The following RAPGEF2 variants were observed in gnomAD, a reference collection of about 807,000 sequenced individuals.
The protein encoded by RAPGEF2 is Rap guanine nucleotide exchange factor 2, also known as PDZ domain containing guanine nucleotide exchange factor (GEF) 1.
RAPGEF2 carries 54 observed loss-of-function variants against 186.7 expected under a neutral mutation model. The observed-to-expected ratio is 0.29, with a 90% CI of 0.23 to 0.36. The LOEUF is 0.36. Ranked by LOEUF, RAPGEF2 falls within the 10% of genes least tolerant of loss-of-function variation. The probability of loss-of-function intolerance (pLI) is 1.00; values close to 1 mark genes in which losing one functional copy is unlikely to be tolerated. For missense variants in RAPGEF2, 1,532 were observed against 2,045.0 expected (o/e 0.75, Z 4.84); for synonymous variants, 712 against 705.9 (o/e 1.01, Z -0.14).
rs115019435 is a variant in RAPGEF2, at chr4:159,242,926, G to A, written c.526-848G>A. Among the ~76,000 whole-genome samples the A allele has an allele frequency of 3.7e-3, 562 of 151,912 alleles. 3 individuals are homozygous for A. The highest frequency in any genetic ancestry group is 0.013 in the African/African-American group (535 of 41,472). ...GAGTATGGATTATTTAAAATGTAGC[G>A]TTAAAGTTGGTTTGTTTGTTCTTAT... On this transcript the variant is annotated intron_variant, in intron 6 of 29. Transcript: ENST00000691494.
At chr4:159,158,035 T>G (rs1262805791) in intron 1 of RAPGEF2, among the ~76,000 whole-genome samples, 5 of 152,192 alleles carry the variant, frequency 3.3e-5, no homozygotes, top group Non-Finnish European at 7.3e-5. Context: ...TTTTGGTTGT[T>G]TAAAATACTT....
chr4:159,129,995 G>A (rs1331650636), intron 1 of RAPGEF2, among the ~76,000 whole-genome samples: 3 of 152,202 alleles, frequency 2.0e-5, no homozygotes, highest in African/African-American at 4.8e-5. Context: ...TTCCTGGAAA[G>A]GGGTGGGGAT....
chr4:159,301,405 T>C (rs1437291285), intron 7 of RAPGEF2, among the ~76,000 whole-genome samples: 3 of 152,156 alleles, frequency 2.0e-5, no homozygotes, highest in African/African-American at 7.2e-5. Context: ...ATAGTATTGT[T>C]ATCCTAATTG....
intron 7 of RAPGEF2, among the ~76,000 whole-genome samples, chr4:159,296,193 A>G (rs1762006849): frequency 6.6e-6 from 1 of 152,234 alleles, no homozygotes; most frequent in African/African-American, 2.4e-5. Flanking sequence ...AGCTTCCTGA[A>G]TGTTATACAG....
chr4:159,125,371 A>C (rs961293636), intron 1 of RAPGEF2, among the ~76,000 whole-genome samples: 2 of 152,246 alleles, frequency 1.3e-5, no homozygotes, highest in African/African-American at 4.8e-5. Context: ...GTCAAAACAG[A>C]AACTTACCAG....
In RAPGEF2 at chr4:159,358,527, A is replaced by C. The variant is rs1000605731; in HGVS notation, c.*388A>C. Reference sequence around the variant, plus strand: ...TAATCTTCCTTTTAGATTTCAATCCAGTCCTAGCACTTGATCTCATTGGGA... The same window carrying C: ...TAATCTTCCTTTTAGATTTCAATCCCGTCCTAGCACTTGATCTCATTGGGA... On this transcript the variant is annotated 3_prime_UTR_variant, in exon 30 of 30. Transcript: ENST00000691494. 1 of 195,154 alleles carries C rather than the reference A, an allele frequency of 5.1e-6. No individual in the cohort carries two copies. Among genetic ancestry groups the C allele is most frequent in the East Asian group, 1.3e-4 (1 of 7,938 alleles). The allele number at this position is 195,154 out of a possible 1,614,324, so 12.1% of individuals were successfully genotyped here.
intron 8 of RAPGEF2, among the ~76,000 whole-genome samples, chr4:159,305,252 C>T (rs554189923): frequency 5.9e-5 from 9 of 152,242 alleles, no homozygotes; most frequent in South Asian, 2.1e-4. Context: ...GGAGAAATCT[C>T]CATACTGTTT....
At chr4:159,210,132 G>A (rs968611349) in intron 3 of RAPGEF2, among the ~76,000 whole-genome samples, 2 of 152,162 alleles carry the variant, frequency 1.3e-5, no homozygotes, top group Admixed American at 6.5e-5. Flanking sequence ...GAACTTGCTG[G>A]ACAGGGAAAA....
intron 2 of RAPGEF2, among the ~76,000 whole-genome samples, chr4:159,192,017 T>G (rs1433329235): frequency 6.6e-6 from 1 of 152,002 alleles, no homozygotes; most frequent in East Asian, 1.9e-4. Flanking sequence ...GGGGTGGAAG[T>G]AAAGAGGCCG....
chr4:159,193,289 C>G (rs1342009973), intron 3 of RAPGEF2, 33 bp downstream of exon 3: 1 of 1,343,784 alleles, frequency 7.4e-7, no homozygotes, highest in Admixed American at 2.8e-5. Context: ...TACAATGTAT[C>G]TAATCCAGTG....
intron 7 of RAPGEF2, among the ~76,000 whole-genome samples, chr4:159,253,561 C>A (rs59808971): frequency 6.6e-6 from 1 of 151,938 alleles, no homozygotes; most frequent in African/African-American, 2.4e-5. Flanking sequence ...TTATTATCAT[C>A]TGTTTTTCTT....
Position 159,258,635 on chromosome 4 carries a change from T to A in RAPGEF2, c.543+14844T>A, listed in dbSNP as rs189547821. On this transcript the variant is annotated intron_variant, in intron 7 of 29. Coordinates refer to ENST00000691494, the MANE Select transcript of RAPGEF2 (RefSeq NM_001394067.2). ...TTCCAGACACTAGATTTTTTAAAAA[T>A]AAAAATGTATTTGTTAAATATTAAA... 7.9e-5 allele frequency among the ~76,000 whole-genome samples: 12 copies of A among 152,308 alleles called. No homozygotes were observed. In the East Asian group the frequency reaches 2.3e-3, roughly 29 times the overall value.
At chr4:159,104,298 C>G (rs1307513829) in intron 1 of RAPGEF2, 67 bp downstream of exon 1, 2 of 730,218 alleles carry the variant, frequency 2.7e-6, no homozygotes, top group Non-Finnish European at 4.0e-6. Context: ...TTCCCCTGTC[C>G]CCCCACCTCC....
At chr4:159,139,561 G>A (rs935562977) in intron 1 of RAPGEF2, among the ~76,000 whole-genome samples, 3 of 151,624 alleles carry the variant, frequency 2.0e-5, no homozygotes, top group African/African-American at 7.3e-5. Context: ...CATGGAGTGT[G>A]ATACTGGTGA....
At chr4:159,112,886 A>C (rs1383178132) in intron 1 of RAPGEF2, among the ~76,000 whole-genome samples, 4 of 152,204 alleles carry the variant, frequency 2.6e-5, no homozygotes, top group Admixed American at 2.6e-4. Flanking sequence ...TAGTGAAGAA[A>C]ACTGGTAATA....
intron 1 of RAPGEF2, among the ~76,000 whole-genome samples, chr4:159,132,283 C>T (rs1367709544): frequency 6.6e-6 from 1 of 152,220 alleles, no homozygotes; most frequent in Non-Finnish European, 1.5e-5. Flanking sequence ...GAAAGAGTTA[C>T]TTTGCTAGAT....
At chr4:159,247,194 T>A (rs1057490273) in intron 7 of RAPGEF2, among the ~76,000 whole-genome samples, 29 of 152,164 alleles carry the variant, frequency 1.9e-4, no homozygotes, top group Non-Finnish European at 2.9e-4. Flanking sequence ...ATATTTTCAT[T>A]TATATATTTT....
intron 7 of RAPGEF2, among the ~76,000 whole-genome samples, chr4:159,296,310 T>A (rs773916483): frequency 1.8e-4 from 27 of 152,198 alleles, no homozygotes; most frequent in Non-Finnish European, 3.4e-4. Context: ...TCAAAGTCAT[T>A]GATGTTGGAG....
chr4:159,213,991 C>G (rs1250430445), intron 4 of RAPGEF2, among the ~76,000 whole-genome samples: 1 of 152,106 alleles, frequency 6.6e-6, no homozygotes, highest in Non-Finnish European at 1.5e-5. Flanking sequence ...GAGCTGAACT[C>G]TTATTTGATT....
Sources: allele counts gnomAD v4.1 joint callset (sites outside exome capture counted in the v4.1 genomes callset), GRCh38; gene constraint gnomAD v4.1.1; transcripts MANE v1.5; gene names NCBI Gene and HGNC (gene_info 2026-07-23, HGNC 2026-07-21).